Variants in OSBPL9 observed in about 807,000 individuals in gnomAD.
The protein encoded by OSBPL9 is oxysterol binding protein like 9.
OSBPL9 carries 40 observed loss-of-function variants against 106.6 expected under a neutral mutation model. That is an observed-to-expected ratio of 0.38 (90% confidence interval 0.29 to 0.49). The LOEUF (loss-of-function observed/expected upper bound fraction) is 0.49. Ranked by LOEUF, OSBPL9 falls within the 20% of genes least tolerant of loss-of-function variation. OSBPL9 has a pLI of 0.97. For synonymous variants in OSBPL9, 269 were observed against 295.4 expected (o/e 0.91, Z 0.92); for missense variants, 609 against 887.2 (o/e 0.69, Z 3.98).
intron 1 of OSBPL9, among the ~76,000 whole-genome samples, chr1:51,629,730 C>G (rs1272042729): frequency 6.6e-6 from 1 of 152,050 alleles, no homozygotes. Flanking sequence ...GGGTGGATCA[C>G]CTGAGATCAG....
At chr1:51,544,104 A>G in the OSBPL9 span, among the ~76,000 whole-genome samples, 18 of 152,328 alleles carry the variant, frequency 1.2e-4, no homozygotes, top group African/African-American at 4.3e-4. Flanking sequence ...CATATCTGTT[A>G]CCCAATTTGC....
the OSBPL9 span, among the ~76,000 whole-genome samples, chr1:51,569,173 A>G: frequency 6.6e-6 from 1 of 152,172 alleles, no homozygotes; most frequent in Admixed American, 6.5e-5. Flanking sequence ...TGCTAAAAAA[A>G]GGTCACTTCC....
chr1:51,628,926 C>T (rs1307780901), intron 1 of OSBPL9, among the ~76,000 whole-genome samples: 1 of 152,032 alleles, frequency 6.6e-6, no homozygotes, highest in Non-Finnish European at 1.5e-5. Context: ...GATCCACCCT[C>T]CTCGGCCTCC....
intron 1 of OSBPL9, among the ~76,000 whole-genome samples, chr1:51,577,985 A>G (rs1241364437): frequency 6.6e-6 from 1 of 152,240 alleles, no homozygotes; most frequent in Non-Finnish European, 1.5e-5. Context: ...TTAAGAGTCA[A>G]TCATAGCACT....
At chr1:51,740,101 A>G in intron 4 of OSBPL9, 2 of 1,548,240 alleles carry the variant, frequency 1.3e-6, no homozygotes, top group Non-Finnish European at 1.7e-6. Context: ...GACTCACAGC[A>G]TGGTAACTTT....
chr1:51,709,400 T>C (rs1659337641), intron 3 of OSBPL9: 1 of 199,116 alleles, frequency 5.0e-6, no homozygotes, highest in African/African-American at 2.3e-5. Context: ...TCTGGAGATA[T>C]TTTGCAGGCA....
chr1:51,606,789 C>G (rs1221504100), intron 2 of OSBPL9, among the ~76,000 whole-genome samples: 2 of 152,178 alleles, frequency 1.3e-5, no homozygotes, highest in Non-Finnish European at 2.9e-5. Flanking sequence ...TGGCTCACGC[C>G]TGTAATCTCA....
At chr1:51,624,513 G>A (rs536678438) in intron 1 of OSBPL9, among the ~76,000 whole-genome samples, 8 of 151,960 alleles carry the variant, frequency 5.3e-5, no homozygotes, top group African/African-American at 1.9e-4. Flanking sequence ...GCTTGAACCC[G>A]GAAGGCAAAA....
chr1:51,744,505 A>C (rs1030456656), intron 4 of OSBPL9, among the ~76,000 whole-genome samples: 3 of 152,242 alleles, frequency 2.0e-5, no homozygotes, highest in Admixed American at 6.5e-5. Context: ...GTGTTGCTGT[A>C]ATATAAAATA....
intron 15 of OSBPL9, among the ~76,000 whole-genome samples, chr1:51,777,150 G>T (rs1188736080): frequency 6.6e-6 from 1 of 152,184 alleles, no homozygotes; most frequent in Non-Finnish European, 1.5e-5. Flanking sequence ...CCGTTAATAG[G>T]TAGCCAATAT....
intron 11 of OSBPL9, among the ~76,000 whole-genome samples, chr1:51,764,320 T>C (rs1479679679): frequency 6.6e-6 from 1 of 152,192 alleles, no homozygotes; most frequent in African/African-American, 2.4e-5. Context: ...TTTTTTTTTA[T>C]TCCAATAAGA....
chr1:51,748,138 G>A (rs1042003409), intron 6 of OSBPL9, among the ~76,000 whole-genome samples: 4 of 152,032 alleles, frequency 2.6e-5, no homozygotes, highest in Admixed American at 6.5e-5. Flanking sequence ...ATTGAATCAC[G>A]TGAATTTTAT....
intron 14 of OSBPL9, among the ~76,000 whole-genome samples, chr1:51,775,523 T>C (rs1239488665): frequency 6.6e-6 from 1 of 152,182 alleles, no homozygotes; most frequent in Non-Finnish European, 1.5e-5. Flanking sequence ...TCTTGTATGA[T>C]GTTTGTCACA....
intron 3 of OSBPL9, chr1:51,709,918 G>C (rs1274899341): frequency 2.0e-5 from 3 of 152,310 alleles, no homozygotes; most frequent in Admixed American, 6.5e-5. Context: ...GTCTGGGCCT[G>C]TATTATGAGC....
At chr1:51,646,602 G>C (rs1175966033) in intron 1 of OSBPL9, among the ~76,000 whole-genome samples, 1 of 152,108 alleles carries the variant, frequency 6.6e-6, no homozygotes, top group Non-Finnish European at 1.5e-5. Flanking sequence ...GGAGTGCAGT[G>C]GCACAATCTC....
At chr1:51,701,373 A>T (rs1300178789) in intron 3 of OSBPL9, among the ~76,000 whole-genome samples, 2 of 152,192 alleles carry the variant, frequency 1.3e-5, no homozygotes, top group South Asian at 2.1e-4. Context: ...CTGTGAATTT[A>T]TTTACCTAAA....
intron 14 of OSBPL9, among the ~76,000 whole-genome samples, chr1:51,775,638 T>A (rs1557856346): frequency 6.6e-6 from 1 of 152,208 alleles, no homozygotes; most frequent in Non-Finnish European, 1.5e-5. Flanking sequence ...AGAGATGGGG[T>A]CTTGCTCTGT....
intron 1 of OSBPL9, among the ~76,000 whole-genome samples, chr1:51,580,500 C>G (rs1645214362): frequency 6.6e-6 from 1 of 151,908 alleles, no homozygotes; most frequent in African/African-American, 2.4e-5. Flanking sequence ...TCAGCTATAC[C>G]CTAGAAAGCA....
intron 4 of OSBPL9, among the ~76,000 whole-genome samples, chr1:51,742,309 A>T (rs1667103176): frequency 6.6e-6 from 1 of 152,180 alleles, no homozygotes; most frequent in South Asian, 2.1e-4. Context: ...TTGTTCTCAA[A>T]AGCTACTGTA....
Sources: allele counts gnomAD v4.1 joint callset (sites outside exome capture counted in the v4.1 genomes callset), GRCh38; gene constraint gnomAD v4.1.1; transcripts MANE v1.5; gene names NCBI Gene and HGNC (gene_info 2026-07-23, HGNC 2026-07-21).